The following DOCK3 variants were observed in gnomAD, a reference collection of about 807,000 sequenced individuals.
The protein encoded by DOCK3 is dedicator of cytokinesis 3, also known as dedicator of cytokinesis protein 3.
A neutral mutation model predicts 265.6 loss-of-function variants in DOCK3; 60 were observed. That is an observed-to-expected ratio of 0.23 (90% CI 0.18 to 0.28). The LOEUF (loss-of-function observed/expected upper bound fraction) is 0.28. Among genes scored for constraint, DOCK3 ranks in the 10% least tolerant of loss-of-function variants. The probability of loss-of-function intolerance (pLI) is 1.00; values close to 1 mark genes in which losing one functional copy is unlikely to be tolerated. For synonymous variants in DOCK3, 881 were observed against 938.0 expected (o/e 0.94, Z 1.11); for missense variants, 1,981 against 2,594.3 (o/e 0.76, Z 5.14).
intron 27 of DOCK3, among the ~76,000 whole-genome samples, chr3:51,301,954 A>G (rs2082383217): frequency 6.6e-6 from 1 of 152,196 alleles, no homozygotes; most frequent in African/African-American, 2.4e-5. Flanking sequence ...CATGTGATCC[A>G]GAGCAGAGTT....
intron 51 of DOCK3, among the ~76,000 whole-genome samples, chr3:51,379,891 C>T (rs1446427784): frequency 6.6e-6 from 1 of 152,270 alleles, no homozygotes; most frequent in African/African-American, 2.4e-5. Flanking sequence ...GCCTGTTCCA[C>T]AGACTCTGAA....
intron 5 of DOCK3, among the ~76,000 whole-genome samples, chr3:50,941,276 A>G (rs1196151223): frequency 1.3e-5 from 2 of 152,192 alleles, no homozygotes; most frequent in African/African-American, 4.8e-5. Flanking sequence ...AATAGGGACA[A>G]GGAGGATATG....
At chr3:50,824,246 G>A (rs892208916) in intron 2 of DOCK3, among the ~76,000 whole-genome samples, 3 of 152,178 alleles carry the variant, frequency 2.0e-5, no homozygotes, top group African/African-American at 7.2e-5. Context: ...AGCAATAGAG[G>A]TAACTTTTAA....
chr3:51,341,489 G>T, intron 38 of DOCK3, 104 bp downstream of exon 38: 2 of 1,510,020 alleles, frequency 1.3e-6, no homozygotes, highest in Non-Finnish European at 1.8e-6. Flanking sequence ...AGTGTGTGGG[G>T]TGGTGAGTGG....
intron 9 of DOCK3, among the ~76,000 whole-genome samples, chr3:51,091,321 G>A (rs1431603980): frequency 6.6e-6 from 1 of 152,180 alleles, no homozygotes; most frequent in African/African-American, 2.4e-5. Context: ...GTGTGTATGT[G>A]TGTGTAAAAA....
rs567736666 is a variant in DOCK3, at chr3:51,013,090, G to A, written c.316-51358G>A. 2.2e-4 allele frequency among the ~76,000 whole-genome samples: 34 copies of A among 152,192 alleles called. 1 individual carries two copies. In the South Asian group the frequency reaches 2.3e-3, roughly 10 times the overall value. On this transcript the variant is annotated intron_variant, in intron 5 of 52. Transcript: ENST00000266037. The stretch of plus-strand genomic sequence containing the variant: ...TGTTTAGCTTCCTTGCAATGGGTTC[G>A]AACATCCTCCTTTACCTTGGAGAAG...
Position 51,310,326 on chromosome 3 carries a change from A to C in DOCK3, c.3017A>C (p.Asn1006Thr), listed in dbSNP as rs1418392078. 1.3e-6 allele frequency: 2 copies of C among 1,591,018 alleles called. No homozygotes were observed. The highest frequency in any genetic ancestry group is 1.7e-6 in the Non-Finnish European group (2 of 1,167,880). The change falls in exon 28 of 53, where the codon AAT becomes ACT. Residue 1006 changes from asparagine (N) to threonine (T), a missense_variant and splice_region_variant. Coordinates refer to ENST00000266037, the MANE Select transcript of DOCK3 (RefSeq NM_004947.5). ...DWMVMRLLTS[N>T]IIVTTVQYLS... Reference sequence around the variant, plus strand: ...ATGGTAATGAGACTGCTCACAAGCAAGTAAGTATGGAAGGGCTCTGTATCA... The same window carrying C: ...ATGGTAATGAGACTGCTCACAAGCACGTAAGTATGGAAGGGCTCTGTATCA...
At chr3:51,198,555 A>G (rs1481756715) in intron 12 of DOCK3, among the ~76,000 whole-genome samples, 1 of 126,134 alleles carries the variant, frequency 7.9e-6, no homozygotes, top group Non-Finnish European at 1.6e-5. Context: ...TGATATTATT[A>G]TTTATCATTC....
rs533970792 is a variant in DOCK3 at position 50,906,547 on chromosome 3, G to T, written c.218+16466G>T. On this transcript the variant is annotated intron_variant, in intron 4 of 52. Transcript: ENST00000266037. ...TTCTTCTAGATTTTCTAGTTTATTT[G>T]TGTAGAGGTGTTTATAGTATTCTCT... Among the ~76,000 whole-genome samples the T allele has an allele frequency of 3.9e-5, 6 of 152,174 alleles. No individual in the cohort carries two copies. In the South Asian group the frequency reaches 1.0e-3, roughly 26 times the overall value.
intron 4 of DOCK3, among the ~76,000 whole-genome samples, chr3:50,920,382 C>CT (rs1326099855): frequency 2.0e-5 from 3 of 152,032 alleles, no homozygotes; most frequent in Non-Finnish European, 2.9e-5. Flanking sequence ...TGGTCCTGGA[C>CT]TTTTTTTGGT....
At chr3:50,929,168 C>T (rs2050926427) in intron 4 of DOCK3, among the ~76,000 whole-genome samples, 2 of 152,258 alleles carry the variant, frequency 1.3e-5, no homozygotes, top group African/African-American at 4.8e-5. Flanking sequence ...TCATGTGTTG[C>T]AGAATTTGGT....
intron 32 of DOCK3, among the ~76,000 whole-genome samples, chr3:51,326,752 G>C (rs1172024786): frequency 2.6e-5 from 4 of 151,850 alleles, no homozygotes; most frequent in African/African-American, 4.8e-5. Context: ...CTCCCAAGTA[G>C]CTGGGATTAC....
chr3:51,115,123 A>G (rs1392830182), intron 9 of DOCK3, among the ~76,000 whole-genome samples: 2 of 152,162 alleles, frequency 1.3e-5, no homozygotes, highest in Non-Finnish European at 2.9e-5. Context: ...ATGTGTCTTT[A>G]TAGTAGAATG....
chr3:51,316,249 C>T (rs553956044), intron 32 of DOCK3, among the ~76,000 whole-genome samples: 54 of 152,196 alleles, frequency 3.5e-4, no homozygotes, highest in Non-Finnish European at 6.2e-4. Flanking sequence ...AAGCAAAGTG[C>T]AGCCTTTTGA....
chr3:51,018,759 T>C (rs9311461), intron 5 of DOCK3, among the ~76,000 whole-genome samples: 136,788 of 151,826 alleles, frequency 0.9, 61,865 homozygotes, highest in African/African-American at 0.95. Flanking sequence ...CATGTCGGTG[T>C]TCAAAAGTTT....
At chr3:50,866,623 T>C (rs2047159038) in intron 3 of DOCK3, among the ~76,000 whole-genome samples, 1 of 152,142 alleles carries the variant, frequency 6.6e-6, no homozygotes, top group Non-Finnish European at 1.5e-5. Flanking sequence ...TGGTGAGTGT[T>C]GGGGTCTAGT....
chr3:51,269,929 A>G (rs2080409586), intron 23 of DOCK3, among the ~76,000 whole-genome samples: 1 of 152,194 alleles, frequency 6.6e-6, no homozygotes, highest in East Asian at 1.9e-4. Context: ...GTAACTTGCC[A>G]AAGTTTGTGT....
intron 27 of DOCK3, among the ~76,000 whole-genome samples, chr3:51,306,159 C>T (rs2082681240): frequency 6.6e-6 from 1 of 151,988 alleles, no homozygotes; most frequent in African/African-American, 2.4e-5. Context: ...AGCCACTGTG[C>T]TTTGCAGTTT....
At chr3:51,016,529 A>C (rs756789611) in intron 5 of DOCK3, among the ~76,000 whole-genome samples, 1 of 56,798 alleles carries the variant, frequency 1.8e-5, no homozygotes. Flanking sequence ...ATTTCTATAT[A>C]ATATATGATA....
Sources: gnomAD v4.1 joint callset for allele counts (sites outside exome capture counted in the v4.1 genomes callset) on GRCh38, gnomAD v4.1.1 for gene constraint, MANE v1.5 for transcripts, NCBI Gene and HGNC (gene_info 2026-07-23, HGNC 2026-07-21) for gene names.